Variants in OLA1 observed in about 807,000 individuals in gnomAD.
OLA1 encodes the protein Obg like ATPase 1.
OLA1 carries 14 observed loss-of-function variants against 48.4 expected under a neutral mutation model. The ratio of observed to expected loss-of-function variants is 0.29; its 90% CI spans 0.19 to 0.45. The LOEUF is 0.45. Ranked by LOEUF, OLA1 falls within the 20% of genes least tolerant of loss-of-function variation. The pLI, the probability that OLA1 is intolerant of heterozygous loss-of-function variation, is 1.00. For synonymous variants in OLA1, 127 were observed against 150.4 expected (o/e 0.84, Z 1.14); for missense variants, 325 against 467.1 (o/e 0.70, Z 2.80).
intron 4 of OLA1, among the ~76,000 whole-genome samples, chr2:174,167,103 A>G (rs2105402262): frequency 1.3e-5 from 2 of 152,196 alleles, no homozygotes; most frequent in South Asian, 4.1e-4. Context: ...AGTCAACACA[A>G]CATTTAGCCT....
At chr2:174,151,681 C>T (rs2119135) in intron 4 of OLA1, among the ~76,000 whole-genome samples, 80,825 of 152,018 alleles carry the variant, frequency 0.53, 22,078 homozygotes, top group East Asian at 0.95. Context: ...GTTCCCAACT[C>T]CCTTATAGTT....
chr2:174,163,191 A>G (rs1687054117), intron 4 of OLA1, among the ~76,000 whole-genome samples: 1 of 152,224 alleles, frequency 6.6e-6, no homozygotes, highest in African/African-American at 2.4e-5. Flanking sequence ...TGCATTTTAA[A>G]GCAAACATAT....
intron 7 of OLA1, among the ~76,000 whole-genome samples, chr2:174,117,781 T>C (rs1434715239): frequency 6.6e-6 from 1 of 152,130 alleles, no homozygotes; most frequent in East Asian, 1.9e-4. Flanking sequence ...CTACAAACTA[T>C]CTTGAACCTC....
intron 7 of OLA1, among the ~76,000 whole-genome samples, chr2:174,089,316 A>C (rs951621614): frequency 1.3e-5 from 2 of 152,240 alleles, no homozygotes; most frequent in Non-Finnish European, 2.9e-5. Context: ...GAAGCACTGA[A>C]CTAAAGGACT....
chr2:174,085,655 C>T (rs1684958577), intron 7 of OLA1, among the ~76,000 whole-genome samples: 1 of 152,112 alleles, frequency 6.6e-6, no homozygotes, highest in Non-Finnish European at 1.5e-5. Context: ...TACTTTTAGC[C>T]TTGTGATCTG....
intron 4 of OLA1, among the ~76,000 whole-genome samples, chr2:174,156,548 T>C (rs16862434): frequency 0.11 from 16,130 of 150,894 alleles, 2,085 homozygotes; most frequent in East Asian, 0.7. Context: ...CTTGTGATCT[T>C]GCTCATGCTG....
intron 7 of OLA1, among the ~76,000 whole-genome samples, chr2:174,106,412 C>T (rs761353126): frequency 2.0e-5 from 3 of 151,980 alleles, no homozygotes; most frequent in Non-Finnish European, 4.4e-5. Flanking sequence ...ATCCAAAACC[C>T]GATCATTCTT....
chr2:174,110,091 AT>A (rs199583094), intron 7 of OLA1, among the ~76,000 whole-genome samples: 15,768 of 110,916 alleles, frequency 0.14, 863 homozygotes, highest in Non-Finnish European at 0.19. Context: ...TTTGCTAAGG[AT>A]TTTTTTTTTT....
At chr2:174,208,420 G>A (rs1484649372) in intron 4 of OLA1, among the ~76,000 whole-genome samples, 5 of 152,014 alleles carry the variant, frequency 3.3e-5, no homozygotes, top group East Asian at 1.9e-4. Flanking sequence ...CTGAAAATGC[G>A]CCTCTCTAAT....
At chr2:174,156,428 G>A (rs1686879040) in intron 4 of OLA1, among the ~76,000 whole-genome samples, 1 of 152,116 alleles carries the variant, frequency 6.6e-6, no homozygotes, top group African/African-American at 2.4e-5. Flanking sequence ...TATTACCATA[G>A]GTTCAAATGT....
intron 9 of OLA1, 141 bp from the exon 10 acceptor site, chr2:174,079,231 A>C: frequency 1.7e-6 from 1 of 581,626 alleles, no homozygotes; most frequent in Non-Finnish European, 2.9e-6. Context: ...TATAATTAGT[A>C]CATTTTCAAC....
chr2:174,121,745 C>CTGGCGTCT (rs1685919235), intron 7 of OLA1, among the ~76,000 whole-genome samples: 1 of 152,196 alleles, frequency 6.6e-6, no homozygotes. Flanking sequence ...AAATCACAGA[C>CTGGCGTCT]TGGCGTCTCC....
intron 4 of OLA1, among the ~76,000 whole-genome samples, chr2:174,201,658 C>G (rs11693036): frequency 0.53 from 80,775 of 152,010 alleles, 22,035 homozygotes; most frequent in East Asian, 0.94. Context: ...GGGAATAGTA[C>G]TGCGTACTTC....
chr2:174,122,181 C>T (rs896041851), intron 7 of OLA1, among the ~76,000 whole-genome samples: 1 of 152,102 alleles, frequency 6.6e-6, no homozygotes, highest in African/African-American at 2.4e-5. Context: ...ATTCATCTTC[C>T]TATCAGGAAC....
intron 5 of OLA1, among the ~76,000 whole-genome samples, chr2:174,129,055 TG>T (rs763734044): frequency 3.3e-5 from 5 of 152,200 alleles, no homozygotes; most frequent in African/African-American, 4.8e-5. Flanking sequence ...AGCTTGTTTC[TG>T]TGAAACTGTA....
chr2:174,084,597 T>C (rs1254399686), intron 7 of OLA1, among the ~76,000 whole-genome samples: 1 of 152,238 alleles, frequency 6.6e-6, no homozygotes, highest in Non-Finnish European at 1.5e-5. Context: ...GTCTGATGGT[T>C]ACAAAAGTGT....
At chr2:174,211,742 G>C (rs989510422) in intron 4 of OLA1, among the ~76,000 whole-genome samples, 4 of 152,046 alleles carry the variant, frequency 2.6e-5, no homozygotes, top group Non-Finnish European at 5.9e-5. Context: ...TACAGGGCTT[G>C]GCTGTCCAAT....
intron 4 of OLA1, among the ~76,000 whole-genome samples, chr2:174,190,453 T>G (rs1206795969): frequency 1.3e-5 from 2 of 152,082 alleles, no homozygotes; most frequent in Admixed American, 1.3e-4. Flanking sequence ...TGCACAAAAC[T>G]AGTAAGTTAC....
At chr2:174,230,331 A>C (rs907478332) in intron 2 of OLA1, among the ~76,000 whole-genome samples, 2 of 152,212 alleles carry the variant, frequency 1.3e-5, no homozygotes, top group African/African-American at 4.8e-5. Flanking sequence ...CTCTTTGAAG[A>C]CTGTTAAAGT....
Sources: allele counts gnomAD v4.1 joint callset (sites outside exome capture counted in the v4.1 genomes callset), GRCh38; gene constraint gnomAD v4.1.1; transcripts MANE v1.5; gene names NCBI Gene and HGNC (gene_info 2026-07-23, HGNC 2026-07-21).